The following UBE2R2 variants were observed in gnomAD, a reference collection of about 807,000 sequenced individuals.
The protein encoded by UBE2R2 is ubiquitin-conjugating enzyme E2 R2.
UBE2R2 carries 1 observed loss-of-function variant against 27.8 expected under a neutral mutation model. That is an observed-to-expected ratio of 0.04 (90% confidence interval 0.01 to 0.17). UBE2R2 has a LOEUF of 0.17. UBE2R2 is among the 10% of genes least tolerant of loss of function. The pLI, the probability that UBE2R2 is intolerant of heterozygous loss-of-function variation, is 1.00. For synonymous variants in UBE2R2, 106 were observed against 113.3 expected (o/e 0.94, Z 0.41); for missense variants, 100 against 291.0 (o/e 0.34, Z 4.78).
chr9:33,900,898 A>G (rs1822228712), intron 3 of UBE2R2, among the ~76,000 whole-genome samples: 1 of 151,912 alleles, frequency 6.6e-6, no homozygotes, highest in Non-Finnish European at 1.5e-5. Flanking sequence ...TCATGTCTTC[A>G]TGGGCAACTC....
intron 1 of UBE2R2, among the ~76,000 whole-genome samples, chr9:33,847,310 TG>T (rs1467023981): frequency 6.6e-6 from 1 of 152,156 alleles, no homozygotes; most frequent in Non-Finnish European, 1.5e-5. Context: ...TTGGCCAGGC[TG>T]GTCTTGAACT....
intron 1 of UBE2R2, among the ~76,000 whole-genome samples, chr9:33,865,328 C>G (rs941958918): frequency 6.6e-6 from 1 of 152,082 alleles, no homozygotes; most frequent in African/African-American, 2.4e-5. Flanking sequence ...CCTCAGCCTC[C>G]CGAGTAGCTG....
In UBE2R2 at chr9:33,917,699, CT is replaced by C. The variant is rs762212106; in HGVS notation, c.*465del. On this transcript the variant is annotated 3_prime_UTR_variant, in exon 5 of 5. Coordinates refer to ENST00000263228, the MANE Select transcript of UBE2R2 (RefSeq NM_017811.4). ...AATGGAAAAAAACCCACAAAACAAA[CT>C]TTAAAAAAAAAAAAAAACAAATTTG... is the stretch of plus-strand genomic sequence containing the variant. 1.6e-5 allele frequency: 3 copies of C among 190,350 alleles called. No individual in the cohort carries two copies. Among genetic ancestry groups the C allele is most frequent in the East Asian group, 1.2e-4 (1 of 8,332 alleles). The allele number at this position is 190,350 out of a possible 1,614,324, so 11.8% of individuals were successfully genotyped here.
At chr9:33,835,730 C>G (rs757995815) in intron 1 of UBE2R2, among the ~76,000 whole-genome samples, 174 of 149,826 alleles carry the variant, frequency 1.2e-3, no homozygotes, top group Non-Finnish European at 1.9e-3. Flanking sequence ...AAAAAAAAAA[C>G]AAAACAGCCA....
rs202113292 is a variant in UBE2R2, at chr9:33,832,314, A to AG, written c.177+14380_177+14381insG. Reference sequence around the variant, plus strand: ...CAAGAGCGAAAATCTATCTCAAAAAAAAAAAGAAAAGAAAAGAAATTATTT... The same window carrying AG: ...CAAGAGCGAAAATCTATCTCAAAAAAGAAAAAGAAAAGAAAAGAAATTATTT... On this transcript the variant is annotated intron_variant, in intron 1 of 4. Transcript: ENST00000263228. Among the ~76,000 whole-genome samples the AG allele has an allele frequency of 8.6e-3, 1,265 of 147,692 alleles. 17 individuals carry two copies. The highest frequency in any genetic ancestry group is 0.029 in the African/African-American group (1,163 of 40,670).
At chr9:33,884,265 C>G (rs1325946608) in intron 1 of UBE2R2, among the ~76,000 whole-genome samples, 3 of 133,338 alleles carry the variant, frequency 2.2e-5, no homozygotes, top group African/African-American at 8.1e-5. Context: ...CTACCCCCAA[C>G]CCCTTTATTT....
intron 1 of UBE2R2, among the ~76,000 whole-genome samples, chr9:33,874,702 C>T (rs576970944): frequency 4.9e-4 from 75 of 151,990 alleles, no homozygotes; most frequent in African/African-American, 1.8e-3. Flanking sequence ...GACAGGGTCT[C>T]GACTTGTCTC....
rs886629897 is a variant in UBE2R2 at position 33,829,826 on chromosome 9, G to C, written c.177+11892G>C. Among the ~76,000 whole-genome samples, 199 of 115,914 alleles carry C rather than the reference G, an allele frequency of 1.7e-3. 1 individual carries two copies. Among genetic ancestry groups the C allele is most frequent in the African/African-American group, 6.5e-3 (191 of 29,510 alleles). The allele number at this position is 115,914 out of a possible 152,430, so 76.0% of individuals were successfully genotyped here. A position where few individuals can be genotyped will look rare whatever the true frequency, so the allele number is the denominator to read the frequency against. Reference sequence around the variant, plus strand: ...TTTTTTTTTTTTTTTAAACAGTTTCGCTCTAGTTGCCCAGACTGGAGTGCA... The same window carrying C: ...TTTTTTTTTTTTTTTAAACAGTTTCCCTCTAGTTGCCCAGACTGGAGTGCA... On this transcript the variant is annotated intron_variant, in intron 1 of 4. Coordinates refer to ENST00000263228, the MANE Select transcript of UBE2R2 (RefSeq NM_017811.4).
At chr9:33,843,364 T>A (rs923741317) in intron 1 of UBE2R2, among the ~76,000 whole-genome samples, 29 of 148,914 alleles carry the variant, frequency 1.9e-4, no homozygotes, top group African/African-American at 4.7e-4. Context: ...GACCTCTTTT[T>A]AAAAAAAAAA....
chr9:33,821,418 A>G (rs1049471416), intron 1 of UBE2R2, among the ~76,000 whole-genome samples: 2 of 151,930 alleles, frequency 1.3e-5, no homozygotes, highest in African/African-American at 4.8e-5. Context: ...TCAGCCACCC[A>G]AAGTGCTGGT....
rs547426178 is a variant in UBE2R2 at position 33,897,258 on chromosome 9, A to G, written c.265-2916A>G. 5.8e-4 allele frequency among the ~76,000 whole-genome samples: 86 copies of G among 148,648 alleles called. No homozygotes were observed. In the East Asian group the frequency reaches 0.013, roughly 23 times the overall value. ...TCACCATGTTAGCCAGGATGGTCTC[A>G]ATCTCCTGACCTCGTGATCCGCTGG... is the stretch of plus-strand genomic sequence containing the variant. On this transcript the variant is annotated intron_variant, in intron 2 of 4. Transcript: ENST00000263228.
intron 2 of UBE2R2, among the ~76,000 whole-genome samples, chr9:33,897,364 C>T (rs1051249768): frequency 6.7e-6 from 1 of 148,378 alleles, no homozygotes; most frequent in African/African-American, 2.5e-5. Flanking sequence ...GTTGCCCAGG[C>T]TGGAGTACAA....
At chr9:33,847,952 A>G (rs1820882821) in intron 1 of UBE2R2, among the ~76,000 whole-genome samples, 1 of 151,610 alleles carries the variant, frequency 6.6e-6, no homozygotes, top group African/African-American at 2.4e-5. Context: ...ACAGGGTTTC[A>G]CCATGTTGGT....
chr9:33,893,953 C>CT (rs1244228557), intron 2 of UBE2R2, among the ~76,000 whole-genome samples: 2 of 150,892 alleles, frequency 1.3e-5, no homozygotes, highest in Admixed American at 6.6e-5. Flanking sequence ...CTTCTTTTTT[C>CT]TTTTTTTTTA....
At chr9:33,882,087 A>T (rs1000294259) in intron 1 of UBE2R2, among the ~76,000 whole-genome samples, 12 of 152,122 alleles carry the variant, frequency 7.9e-5, no homozygotes, top group African/African-American at 2.4e-4. Context: ...AGCTTCGATT[A>T]TTCTAGTTTT....
At chr9:33,851,936 C>T (rs909150771) in intron 1 of UBE2R2, among the ~76,000 whole-genome samples, 5 of 152,058 alleles carry the variant, frequency 3.3e-5, no homozygotes, top group Admixed American at 6.5e-5. Context: ...TTATCTACAT[C>T]GAGAAAGTCA....
At chr9:33,838,889 C>G (rs943286500) in intron 1 of UBE2R2, among the ~76,000 whole-genome samples, 1 of 151,774 alleles carries the variant, frequency 6.6e-6, no homozygotes, top group Non-Finnish European at 1.5e-5. Context: ...TCGAGACCAG[C>G]TGGCCAACAT....
intron 3 of UBE2R2, among the ~76,000 whole-genome samples, chr9:33,903,262 T>A (rs886981548): frequency 2.0e-5 from 3 of 152,100 alleles, no homozygotes; most frequent in Admixed American, 2.0e-4. Flanking sequence ...GTTGAAAAAA[T>A]TGCATCCAAA....
Position 33,817,671 on chromosome 9 carries a change from G to T in UBE2R2, c.-87G>T. ...GCCCGGTGCTGCCCGGCCGGAGGGC[G>T]AGCGGAGGGGAGGGGCCTGGTCCGG... On this transcript the variant is annotated 5_prime_UTR_variant, in exon 1 of 5. Transcript: ENST00000263228. 1 of 1,185,860 alleles carries T rather than the reference G, an allele frequency of 8.4e-7. No individual in the cohort carries two copies. Among genetic ancestry groups the T allele is most frequent in the Non-Finnish European group, 1.0e-6 (1 of 959,336 alleles). The allele number at this position is 1,185,860 out of a possible 1,614,324, so 73.5% of individuals were successfully genotyped here. A position where few individuals can be genotyped will look rare whatever the true frequency, so the allele number is the denominator to read the frequency against.
Sources: gnomAD v4.1 joint callset for allele counts (sites outside exome capture counted in the v4.1 genomes callset) on GRCh38, gnomAD v4.1.1 for gene constraint, MANE v1.5 for transcripts, NCBI Gene and HGNC (gene_info 2026-07-23, HGNC 2026-07-21) for gene names.